Variants in NKAIN3 observed in about 807,000 individuals in gnomAD.
NKAIN3 encodes the protein sodium/potassium transporting ATPase interacting 3.
Under a neutral mutation model 30.2 loss-of-function variants are expected in NKAIN3, and 25 were observed. That is an observed-to-expected ratio of 0.83 (90% CI 0.60 to 1.16). The LOEUF is 1.16. Among genes scored for constraint, NKAIN3 ranks in the 50% most tolerant of loss-of-function variants. The pLI is 0.00. For synonymous variants in NKAIN3, 91 were observed against 89.6 expected (o/e 1.02, Z -0.09); for missense variants, 225 against 254.1 (o/e 0.89, Z 0.78).
chr8:62,856,884 G>T, intron 4 of NKAIN3: 1 of 584,638 alleles, frequency 1.7e-6, no homozygotes, highest in Non-Finnish European at 3.2e-6. Context: ...ACACACTTTG[G>T]ATACACTGGA....
At chr8:62,328,840 A>G (rs192295565) in intron 1 of NKAIN3, among the ~76,000 whole-genome samples, 4 of 152,230 alleles carry the variant, frequency 2.6e-5, no homozygotes, top group East Asian at 3.9e-4. Context: ...TCAGCCTTCA[A>G]GATACCACCC....
At chr8:62,992,816 AT>A (rs1585651410) in intron 5 of NKAIN3, among the ~76,000 whole-genome samples, 1 of 150,348 alleles carries the variant, frequency 6.7e-6, no homozygotes. Context: ...TAAAGGCAAG[AT>A]TTTTTTCTGG....
At chr8:62,706,452 A>G (rs1280346381) in intron 3 of NKAIN3, among the ~76,000 whole-genome samples, 1 of 152,040 alleles carries the variant, frequency 6.6e-6, no homozygotes, top group African/African-American at 2.4e-5. Flanking sequence ...GATACTTTCA[A>G]TGATTCTGCA....
At chr8:62,408,414 C>T (rs1219571110) in intron 1 of NKAIN3, among the ~76,000 whole-genome samples, 2 of 152,082 alleles carry the variant, frequency 1.3e-5, no homozygotes, top group East Asian at 1.9e-4. Flanking sequence ...TTTACTCTCA[C>T]CTGTAGAGTA....
At chr8:62,403,663 C>T (rs1803961258) in intron 1 of NKAIN3, among the ~76,000 whole-genome samples, 1 of 152,192 alleles carries the variant, frequency 6.6e-6, no homozygotes, top group Non-Finnish European at 1.5e-5. Context: ...GCCTAGATTT[C>T]AGAGAATGTA....
chr8:62,749,526 T>G (rs1816200343), intron 4 of NKAIN3, among the ~76,000 whole-genome samples: 1 of 152,172 alleles, frequency 6.6e-6, no homozygotes, highest in Non-Finnish European at 1.5e-5. Flanking sequence ...TAATATTTTA[T>G]CTTTTTATAT....
intron 1 of NKAIN3, among the ~76,000 whole-genome samples, chr8:62,498,246 C>CTGAAGAATG (rs1463746518): frequency 6.6e-6 from 1 of 152,084 alleles, no homozygotes; most frequent in Non-Finnish European, 1.5e-5. Context: ...AAGAATTGGT[C>CTGAAGAATG]TGAAGAATGC....
chr8:62,958,095 G>T (rs1159998087), intron 6 of NKAIN3, among the ~76,000 whole-genome samples: 1 of 152,196 alleles, frequency 6.6e-6, no homozygotes, highest in Middle Eastern at 3.2e-3. Context: ...CATGGAGGCT[G>T]ATTGGCTTGG....
At chr8:62,590,852 T>C (rs1384483923) in intron 3 of NKAIN3, among the ~76,000 whole-genome samples, 1 of 151,870 alleles carries the variant, frequency 6.6e-6, no homozygotes, top group African/African-American at 2.4e-5. Flanking sequence ...TTGTCACCAT[T>C]TGCTCACATT....
chr8:62,852,044 T>C (rs1819920667), intron 4 of NKAIN3, among the ~76,000 whole-genome samples: 2 of 152,342 alleles, frequency 1.3e-5, no homozygotes, highest in South Asian at 4.1e-4. Flanking sequence ...CAGCTCCTCC[T>C]TCTACCTCTG....
intron 4 of NKAIN3, among the ~76,000 whole-genome samples, chr8:62,768,216 CT>C (rs1816904344): frequency 6.6e-6 from 1 of 152,134 alleles, no homozygotes; most frequent in Non-Finnish European, 1.5e-5. Flanking sequence ...AGTTCTGCCT[CT>C]TGTGTATCAC....
intron 4 of NKAIN3, among the ~76,000 whole-genome samples, chr8:62,801,006 A>G (rs12679111): frequency 0.76 from 115,347 of 150,894 alleles, 44,169 homozygotes; most frequent in Admixed American, 0.82. Flanking sequence ...ACGGAGTCTC[A>G]CTGATTGCTA....
intron 1 of NKAIN3, among the ~76,000 whole-genome samples, chr8:62,397,144 G>A (rs2129595002): frequency 6.6e-6 from 1 of 152,214 alleles, no homozygotes. Context: ...AGGTTTAACA[G>A]GAAAGCCACT....
chr8:62,550,384 A>G (rs1005563167), intron 1 of NKAIN3, among the ~76,000 whole-genome samples: 1 of 152,168 alleles, frequency 6.6e-6, no homozygotes, highest in Admixed American at 6.5e-5. Flanking sequence ...TAGGAACGTA[A>G]TGATTTCTAT....
intron 4 of NKAIN3, among the ~76,000 whole-genome samples, chr8:62,846,728 C>A (rs754449290): frequency 2.0e-5 from 3 of 151,994 alleles, no homozygotes; most frequent in Non-Finnish European, 4.4e-5. Context: ...TTTAGTCTAT[C>A]CTTGGTAGGC....
chr8:62,530,752 C>T (rs886520217), intron 1 of NKAIN3, among the ~76,000 whole-genome samples: 2 of 152,090 alleles, frequency 1.3e-5, no homozygotes, highest in East Asian at 1.9e-4. Flanking sequence ...GACTCTCCTG[C>T]CTCAGCCTCC....
intron 4 of NKAIN3, among the ~76,000 whole-genome samples, chr8:62,894,282 A>T (rs1775604026): frequency 6.6e-6 from 1 of 152,202 alleles, no homozygotes; most frequent in Non-Finnish European, 1.5e-5. Flanking sequence ...GATGAAACTC[A>T]TATAATGAAG....
At chr8:62,801,965 G>GAA (rs1415997661) in intron 4 of NKAIN3, among the ~76,000 whole-genome samples, 3 of 152,216 alleles carry the variant, frequency 2.0e-5, no homozygotes, top group African/African-American at 7.2e-5. Flanking sequence ...AGAACTATGT[G>GAA]AAGAATGTAG....
chr8:62,782,428 C>T (rs1288747012), intron 4 of NKAIN3, among the ~76,000 whole-genome samples: 2 of 151,750 alleles, frequency 1.3e-5, no homozygotes, highest in Admixed American at 1.3e-4. Flanking sequence ...GGGTATTTAT[C>T]CAAAGGAAAA....
Sources: allele counts gnomAD v4.1 joint callset (sites outside exome capture counted in the v4.1 genomes callset), GRCh38; gene constraint gnomAD v4.1.1; transcripts MANE v1.5; gene names NCBI Gene and HGNC (gene_info 2026-07-23, HGNC 2026-07-21).